CNTNAP2: variants seen among roughly 807,000 people sequenced by gnomAD.
CNTNAP2 encodes contactin-associated protein-like 2.
A neutral mutation model predicts 155.2 loss-of-function variants in CNTNAP2; 98 were observed. The ratio of observed to expected loss-of-function variants is 0.63; its 90% CI spans 0.54 to 0.75. CNTNAP2 has a LOEUF of 0.75. Among genes scored for constraint, CNTNAP2 ranks in the 30% least tolerant of loss-of-function variants. CNTNAP2 has a pLI of 0.00. For synonymous variants in CNTNAP2, 651 were observed against 631.2 expected (o/e 1.03, Z -0.47); for missense variants, 1,727 against 1,688.1 (o/e 1.02, Z -0.40).
chr7:148,326,531 A>T (rs1353001610), intron 21 of CNTNAP2, among the ~76,000 whole-genome samples: 7 of 152,158 alleles, frequency 4.6e-5, no homozygotes, highest in African/African-American at 1.7e-4. Flanking sequence ...TCTTCTTGAA[A>T]GGATTTGAAA....
At chr7:146,520,168 T>A (rs1197631861) in intron 1 of CNTNAP2, among the ~76,000 whole-genome samples, 4 of 151,146 alleles carry the variant, frequency 2.6e-5, no homozygotes, top group Middle Eastern at 3.4e-3. Flanking sequence ...AAAAGATATA[T>A]CCTAACTAAT....
chr7:147,313,745 G>A (rs1795169862), intron 9 of CNTNAP2, among the ~76,000 whole-genome samples: 1 of 152,094 alleles, frequency 6.6e-6, no homozygotes, highest in Non-Finnish European at 1.5e-5. Flanking sequence ...TGGCGATGCG[G>A]GCTCTTTTTT....
At chr7:147,691,623 G>A in intron 13 of CNTNAP2, among the ~76,000 whole-genome samples, 1 of 152,098 alleles carries the variant, frequency 6.6e-6, no homozygotes, top group Non-Finnish European at 1.5e-5. Flanking sequence ...GGTGTCAAGA[G>A]CATAGATACT....
intron 3 of CNTNAP2, among the ~76,000 whole-genome samples, chr7:146,867,702 T>C (rs1439364481): frequency 1.3e-5 from 2 of 152,148 alleles, no homozygotes; most frequent in African/African-American, 2.4e-5. Flanking sequence ...TACTTTTTCA[T>C]TGTAGCCATT....
intron 8 of CNTNAP2, among the ~76,000 whole-genome samples, chr7:147,251,948 T>C (rs1341422039): frequency 6.6e-6 from 1 of 152,114 alleles, no homozygotes; most frequent in Non-Finnish European, 1.5e-5. Context: ...AATGGATATA[T>C]GAGTTTGGGG....
intron 4 of CNTNAP2, among the ~76,000 whole-genome samples, chr7:147,059,092 C>T (rs1314655925): frequency 6.6e-6 from 1 of 152,214 alleles, no homozygotes; most frequent in Admixed American, 6.5e-5. Context: ...TTCCTCCCTA[C>T]CTCTTAGGGT....
chr7:148,194,449 G>T (rs1186432960), intron 18 of CNTNAP2, among the ~76,000 whole-genome samples: 2 of 152,060 alleles, frequency 1.3e-5, no homozygotes, highest in African/African-American at 4.8e-5. Flanking sequence ...AGGTCCTTAA[G>T]CTCAGAAGCG....
At chr7:147,965,101 G>C (rs2116847724) in intron 14 of CNTNAP2, among the ~76,000 whole-genome samples, 1 of 152,258 alleles carries the variant, frequency 6.6e-6, no homozygotes, top group South Asian at 2.1e-4. Context: ...GGTGCTCCTT[G>C]TTCACTGCAA....
chr7:147,418,430 T>C (rs898951143), intron 10 of CNTNAP2, among the ~76,000 whole-genome samples: 13 of 152,220 alleles, frequency 8.5e-5, no homozygotes, highest in African/African-American at 3.1e-4. Flanking sequence ...TAGACATCGA[T>C]ATGAAGAGAA....
intron 1 of CNTNAP2, among the ~76,000 whole-genome samples, chr7:146,465,636 T>G (rs1251460788): frequency 6.6e-6 from 1 of 152,170 alleles, no homozygotes; most frequent in Non-Finnish European, 1.5e-5. Context: ...TGGCTAAATG[T>G]TTAACCAGCT....
At chr7:148,389,070 A>C (rs1156998857) in intron 22 of CNTNAP2, among the ~76,000 whole-genome samples, 1 of 152,154 alleles carries the variant, frequency 6.6e-6, no homozygotes, top group Non-Finnish European at 1.5e-5. Flanking sequence ...CAAAGCTCAG[A>C]TGGAAATGCA....
intron 3 of CNTNAP2, among the ~76,000 whole-genome samples, chr7:146,947,739 C>T (rs1797220249): frequency 1.3e-5 from 2 of 150,948 alleles, no homozygotes; most frequent in Non-Finnish European, 2.9e-5. Context: ...AACCCTGTTG[C>T]TACAAAAAAT....
At chr7:148,238,528 T>G (rs1317476219) in intron 20 of CNTNAP2, among the ~76,000 whole-genome samples, 1 of 152,256 alleles carries the variant, frequency 6.6e-6, no homozygotes, top group Non-Finnish European at 1.5e-5. Context: ...TTGAAATTTT[T>G]TAAAAATGTT....
At chr7:147,174,183 T>A (rs559373434) in intron 8 of CNTNAP2, among the ~76,000 whole-genome samples, 2 of 152,304 alleles carry the variant, frequency 1.3e-5, no homozygotes, top group East Asian at 1.9e-4. Context: ...CTGAATTTTT[T>A]AAAACTTTCA....
chr7:147,608,718 T>C (rs1801122045), intron 12 of CNTNAP2, among the ~76,000 whole-genome samples: 1 of 152,194 alleles, frequency 6.6e-6, no homozygotes, highest in Non-Finnish European at 1.5e-5. Context: ...CTGTCACGCG[T>C]GTCTGTGTGA....
At chr7:146,693,331 A>G (rs1269130641) in intron 1 of CNTNAP2, among the ~76,000 whole-genome samples, 1 of 151,972 alleles carries the variant, frequency 6.6e-6, no homozygotes, top group African/African-American at 2.4e-5. Flanking sequence ...TTTTGACATT[A>G]TGTACCAAAA....
intron 14 of CNTNAP2, among the ~76,000 whole-genome samples, chr7:147,907,188 C>G (rs1333554168): frequency 6.6e-6 from 1 of 151,992 alleles, no homozygotes; most frequent in Non-Finnish European, 1.5e-5. Context: ...TCCCGAGTAG[C>G]TGGGACTACA....
chr7:147,684,246 G>A (rs1458716427), intron 13 of CNTNAP2, among the ~76,000 whole-genome samples: 1 of 151,744 alleles, frequency 6.6e-6, no homozygotes, highest in Non-Finnish European at 1.5e-5. Context: ...GCCCTTATCA[G>A]CGTGTGTGTT....
At chr7:148,084,296 G>A (rs1293682938) in intron 15 of CNTNAP2, among the ~76,000 whole-genome samples, 1 of 152,134 alleles carries the variant, frequency 6.6e-6, no homozygotes, top group Non-Finnish European at 1.5e-5. Context: ...GCTAGGAGAG[G>A]GGCCAGGGCT....
Sources: allele counts gnomAD v4.1 joint callset (sites outside exome capture counted in the v4.1 genomes callset), GRCh38; gene constraint gnomAD v4.1.1; transcripts MANE v1.5; gene names NCBI Gene and HGNC (gene_info 2026-07-23, HGNC 2026-07-21).